MYH11: variants seen among roughly 807,000 people sequenced by gnomAD.
The protein encoded by MYH11 is myosin heavy chain 11, also known as myosin-11.
MYH11 carries 80 observed loss-of-function variants against 246.6 expected under a neutral mutation model. The observed-to-expected ratio is 0.32, with a 90% CI of 0.27 to 0.39. The LOEUF is 0.39. MYH11 is among the 10% of genes least tolerant of loss of function. MYH11 has a pLI of 1.00. For missense variants in MYH11, 2,158 were observed against 2,546.8 expected, an observed-to-expected ratio of 0.85 and a Z score of 3.29; for synonymous variants, 1,071 against 1,015.5, an observed-to-expected ratio of 1.05 and a Z score of -1.04.
At chr16:15,729,050 C>T (rs537936928) in intron 27 of MYH11, among the ~76,000 whole-genome samples, 2 of 152,088 alleles carry the variant, frequency 1.3e-5, no homozygotes, top group Non-Finnish European at 2.9e-5. Context: ...GGACGTTGAC[C>T]GGTCAGCCCT....
Position 15,798,680 on chromosome 16 carries a change from C to T in MYH11, c.510G>A (p.Glu170=), listed in dbSNP as rs762630727. The T allele has an allele frequency of 1.1e-5, 17 of 1,611,864 alleles. No individual in the cohort carries two copies. The Middle Eastern group carries it at 2.6e-3, about 250-fold the overall frequency. ...CTTACGTGCATAGAATGGACTGGTC[C>T]TCCCGATCTGCAAACAGAAAGAAGA... ...TAYRSMLQDR[E]DQSILCTGES... is the part of the protein sequence containing the mutation. Residue 170 remains glutamate, a synonymous_variant, in exon 4 of 41, where the codon GAG becomes GAA. Transcript: ENST00000300036.
Position 15,732,684 on chromosome 16 carries a change from C to G in MYH11, c.3531G>C (p.Thr1177=). The change falls in exon 27 of 41, where the codon ACG becomes ACC. Residue 1177 remains threonine, a synonymous_variant. Coordinates refer to ENST00000300036, the MANE Select transcript of MYH11 (RefSeq NM_002474.3). ...CTTCATCCAGGGCCTTCTTCAGCAC[C>G]GTCACCTCCTGCTCCCTCTTGGCCC... The part of the protein sequence containing the change: ...ELRAKREQEV[T]VLKKALDEET... 2.5e-6 allele frequency: 4 copies of G among 1,614,226 alleles called. No individual in the cohort carries two copies. Among genetic ancestry groups the G allele is most frequent in the Non-Finnish European group, 3.4e-6 (4 of 1,180,042 alleles).
At chr16:15,776,809 G>A (rs571687887) in intron 7 of MYH11, among the ~76,000 whole-genome samples, 7 of 152,298 alleles carry the variant, frequency 4.6e-5, no homozygotes, top group South Asian at 2.1e-4. Flanking sequence ...GAGCTTCTCC[G>A]CGATGCGGGG....
intron 5 of MYH11, chr16:15,784,817 G>T: frequency 7.3e-7 from 1 of 1,360,874 alleles, no homozygotes; most frequent in Non-Finnish European, 1.0e-6. Context: ...CCCCCAAACA[G>T]CCTGGAGTCT....
intron 38 of MYH11, among the ~76,000 whole-genome samples, chr16:15,716,255 G>A (rs1293153175): frequency 1.3e-5 from 2 of 152,090 alleles, no homozygotes; most frequent in African/African-American, 4.8e-5. Flanking sequence ...TTGAGCCGAT[G>A]AAAATGTTCT....
rs1384845358 is a variant in MYH11, at chr16:15,721,547, C to T, written c.4453G>A (p.Ala1485Thr). The T allele has an allele frequency of 6.2e-7, 1 of 1,614,196 alleles. No individual in the cohort carries two copies. The highest frequency in any genetic ancestry group is 2.2e-5 in the East Asian group (1 of 44,872). Residue 1485 changes from alanine to threonine, a missense_variant, in exon 32 of 41, where the codon GCC becomes ACC. Physicochemically the swap from Ala to Thr is moderately conservative, Grantham distance 58. Around this residue, in one of 11 missense-constraint regions of MYH11, gnomAD observed 1,013 missense variants for 993.5 expected, o/e 1.02. Transcript: ENST00000300036. Reference sequence around the variant, plus strand: ...TCAAGGGCCCGAGCCAGGGACAGGGCCTTGGTTTCCTTCTCCCTGGCTTCT... The same window carrying T: ...TCAAGGGCCCGAGCCAGGGACAGGGTCTTGGTTTCCTTCTCCCTGGCTTCT... Reference protein sequence around the residue: ...EAEAREKETKALSLARALEEA... With the variant: ...EAEAREKETKTLSLARALEEA...
intron 40 of MYH11, among the ~76,000 whole-genome samples, 153 bp from the exon 41 acceptor site, chr16:15,704,276 G>T (rs1283344334): frequency 1.3e-5 from 2 of 152,106 alleles, no homozygotes; most frequent in African/African-American, 4.8e-5. Context: ...ATAAGATGCA[G>T]ATATTCAAGT....
intron 3 of MYH11, among the ~76,000 whole-genome samples, chr16:15,810,770 T>C (rs191018708): frequency 3.3e-4 from 50 of 152,288 alleles, no homozygotes; most frequent in Admixed American, 2.8e-3. Flanking sequence ...ATGAAGATGA[T>C]TGAAAGAGAC....
chr16:15,776,317 T>C (rs1461377979), intron 7 of MYH11, 141 bp from the exon 8 acceptor site: 4 of 697,238 alleles, frequency 5.7e-6, no homozygotes, highest in Non-Finnish European at 1.0e-5. Flanking sequence ...CTTTGACCAT[T>C]GCCCCTATGG....
At chr16:15,729,142 G>C (rs2040884722) in intron 27 of MYH11, among the ~76,000 whole-genome samples, 1 of 151,932 alleles carries the variant, frequency 6.6e-6, no homozygotes, top group African/African-American at 2.4e-5. Context: ...TGGTAACAAA[G>C]CAGTGAAGCG....
At chr16:15,785,507 C>T (rs918769846) in intron 5 of MYH11, 7 of 151,786 alleles carry the variant, frequency 4.6e-5, no homozygotes, top group African/African-American at 1.7e-4. Context: ...GGAAAGTTCT[C>T]CAAAGCCACG....
chr16:15,725,147 A>C lies in MYH11; in HGVS notation c.3859-155T>G, dbSNP rs113151354. The C allele has an allele frequency of 5.6e-5, 37 of 655,316 alleles. No homozygotes were observed. Among genetic ancestry groups the C allele is most frequent in the South Asian group, 1.0e-4 (6 of 57,228 alleles). 40.6% of individuals were successfully genotyped at this position (655,316 alleles called of 1,614,324 possible). ...ATGGGACTCTGATAAAAAAAAAAAA[A>C]AACACACACACACACAAAAAAAACA... On this transcript the variant is annotated intron_variant, in intron 28 of 40. Coordinates refer to ENST00000300036, the MANE Select transcript of MYH11 (RefSeq NM_002474.3).
chr16:15,729,999 T>C (rs2040913000), intron 27 of MYH11, among the ~76,000 whole-genome samples: 1 of 152,126 alleles, frequency 6.6e-6, no homozygotes, highest in Non-Finnish European at 1.5e-5. Context: ...GGGGGCAGTT[T>C]CTAATGGTTT....
rs536788285 is a variant in MYH11, at chr16:15,726,658, G to A, written c.3858+190C>T. ...GCTGGGATTACAGGCATGAGCCACC[G>A]TGCCTGGCCAGAAGGTTTTTTTAAT... On this transcript the variant is annotated intron_variant, in intron 28 of 40. Coordinates refer to ENST00000300036, the MANE Select transcript of MYH11 (RefSeq NM_002474.3). The A allele has an allele frequency of 1.4e-3, 953 of 700,056 alleles. 9 individuals are homozygous for A. Among genetic ancestry groups the A allele is most frequent in the Non-Finnish European group, 2.5e-4 (103 of 406,294 alleles). 43.4% of individuals were successfully genotyped at this position (700,056 alleles called of 1,614,324 possible). A position where few individuals can be genotyped will look rare whatever the true frequency, so the allele number is the denominator to read the frequency against.
At chr16:15,822,982 G>A (rs2043454135) in intron 3 of MYH11, among the ~76,000 whole-genome samples, 1 of 152,258 alleles carries the variant, frequency 6.6e-6, no homozygotes, top group Non-Finnish European at 1.5e-5. Context: ...TCCATCCTTT[G>A]CAGACAGCTG....
At chr16:15,741,035 A>G (rs1477534021) in intron 22 of MYH11, 1 of 317,076 alleles carries the variant, frequency 3.2e-6, no homozygotes, top group East Asian at 8.1e-5. Context: ...GCCCCAGATG[A>G]GCCTTCAGAT....
intron 29 of MYH11, 28 bp downstream of exon 29, chr16:15,724,860 C>T (rs746092269): frequency 5.0e-6 from 8 of 1,613,792 alleles, no homozygotes; most frequent in Admixed American, 1.7e-5. Context: ...CCCCCCAGGT[C>T]CCCTGGATGA....
At chr16:15,768,932 G>A (rs1426707248) in intron 9 of MYH11, among the ~76,000 whole-genome samples, 3 of 151,992 alleles carry the variant, frequency 2.0e-5, no homozygotes, top group Non-Finnish European at 2.9e-5. Context: ...GATTGTTTGA[G>A]CCCAGGAGTT....
At chr16:15,780,047 G>A (rs955859008) in intron 6 of MYH11, among the ~76,000 whole-genome samples, 2 of 152,214 alleles carry the variant, frequency 1.3e-5, no homozygotes, top group African/African-American at 4.8e-5. Flanking sequence ...CTGGTCACAG[G>A]CAAGGCCCAG....
Sources: allele counts gnomAD v4.1 joint callset (sites outside exome capture counted in the v4.1 genomes callset), GRCh38; gene constraint gnomAD v4.1.1; regional missense constraint gnomAD v4.1.1; transcripts MANE v1.5; gene names NCBI Gene and HGNC (gene_info 2026-07-23, HGNC 2026-07-21).